The following TRMT11 variants were observed in gnomAD, a reference collection of about 807,000 sequenced individuals.
TRMT11 encodes the protein tRNA methyltransferase 11.
A neutral mutation model predicts 62.8 loss-of-function variants in TRMT11; 53 were observed. That is an observed-to-expected ratio of 0.84 (90% CI 0.68 to 1.06). The LOEUF (loss-of-function observed/expected upper bound fraction) is 1.06, where lower values mean the gene tolerates loss of function less well. TRMT11 is among the 50% of genes least tolerant of loss of function. TRMT11 has a pLI of 0.00. For synonymous variants in TRMT11, 188 were observed against 190.3 expected, an observed-to-expected ratio of 0.99 and a Z score of 0.10; for missense variants, 556 against 553.4, an observed-to-expected ratio of 1.00 and a Z score of -0.05.
chr6:126,158,548 T>A (rs1778148164), intron 21 of TRMT11, among the ~76,000 whole-genome samples: 3 of 152,190 alleles, frequency 2.0e-5, no homozygotes, highest in Admixed American at 2.0e-4. Context: ...ATAGGTTCTT[T>A]AGTGCTACTT....
chr6:126,117,064 G>A (rs1270000740), intron 21 of TRMT11, among the ~76,000 whole-genome samples: 3 of 152,190 alleles, frequency 2.0e-5, no homozygotes, highest in African/African-American at 4.8e-5. Flanking sequence ...TATGGTCCAC[G>A]ATTCAAATTG....
intron 16 of TRMT11, among the ~76,000 whole-genome samples, chr6:126,048,232 A>G (rs1355404007): frequency 2.0e-5 from 3 of 152,212 alleles, no homozygotes; most frequent in Non-Finnish European, 2.9e-5. Context: ...TGCCATTTCA[A>G]TGGACTGCAA....
intron 21 of TRMT11, among the ~76,000 whole-genome samples, chr6:126,131,671 A>AT (rs2128206759): frequency 6.6e-6 from 1 of 151,822 alleles, no homozygotes. Flanking sequence ...CAGGCTCTTG[A>AT]TTTTTTCTTC....
chr6:126,086,320 G>T (rs1290983943), intron 17 of TRMT11, among the ~76,000 whole-genome samples: 2 of 152,148 alleles, frequency 1.3e-5, no homozygotes, highest in Non-Finnish European at 2.9e-5. Context: ...ATGAGTGTAA[G>T]AGTGGATAGA....
At chr6:126,170,944 C>A (rs547455397) in intron 21 of TRMT11, among the ~76,000 whole-genome samples, 1 of 152,294 alleles carries the variant, frequency 6.6e-6, no homozygotes, top group East Asian at 1.9e-4. Context: ...CTCCTCAGGG[C>A]AGCTGATTCA....
rs1776289801 is a variant in TRMT11, at chr6:126,053,886, G to A, written c.*1437+696G>A. 5.9e-5 allele frequency among the ~76,000 whole-genome samples: 9 copies of A among 152,192 alleles called. No homozygotes were observed. In the South Asian group the frequency reaches 1.9e-3, roughly 31 times the overall value. ...GTTAACCCCTAAAGAAGTGGAAGTT[G>A]CGTGATCATGTCAGGGGGTGAGGGC... On this transcript the variant is annotated intron_variant and NMD_transcript_variant, in intron 17 of 22. Coordinates refer to the TRMT11 transcript ENST00000648977.
chr6:126,169,056 G>A (rs544213115), intron 21 of TRMT11, among the ~76,000 whole-genome samples: 7 of 152,256 alleles, frequency 4.6e-5, no homozygotes, highest in African/African-American at 1.2e-4. Flanking sequence ...TCAGGAGATC[G>A]CACCTAAGAA....
chr6:126,071,161 GTTTTCCACTCTCAGT>G (rs1776840701), intron 17 of TRMT11, among the ~76,000 whole-genome samples: 1 of 152,062 alleles, frequency 6.6e-6, no homozygotes, highest in South Asian at 2.1e-4. Context: ...GGATGCAGTA[GTTTTCCACTCTCAGT>G]GAAAACTGGT....
At chr6:126,262,223 C>T in the TRMT11 span, among the ~76,000 whole-genome samples, 1 of 152,150 alleles carries the variant, frequency 6.6e-6, no homozygotes, top group Admixed American at 6.5e-5. Flanking sequence ...GTCAGGGAAG[C>T]AGAGCCGCTG....
In TRMT11 at chr6:126,036,819, G is replaced by A. The variant is rs555865561; in HGVS notation, c.1261-1886G>A. On this transcript the variant is annotated intron_variant, in intron 12 of 12. Transcript: ENST00000334379. Reference sequence around the variant, plus strand: ...TTTGATGAAAGTTGAAGTAGTTGACGTTAAATGGTGGAACATTGTTCTGTG... The same window carrying A: ...TTTGATGAAAGTTGAAGTAGTTGACATTAAATGGTGGAACATTGTTCTGTG... 1.9e-4 allele frequency among the ~76,000 whole-genome samples: 29 copies of A among 152,156 alleles called. No homozygotes were observed. In the South Asian group the frequency reaches 5.4e-3, roughly 28 times the overall value.
chr6:126,100,181 C>T (rs925632253), intron 17 of TRMT11, among the ~76,000 whole-genome samples: 7 of 152,062 alleles, frequency 4.6e-5, no homozygotes, highest in Middle Eastern at 3.2e-3. Context: ...GAGGACCAAG[C>T]CAGTATGAGA....
chr6:126,213,222 C>A, the TRMT11 span, among the ~76,000 whole-genome samples: 1 of 151,936 alleles, frequency 6.6e-6, no homozygotes, highest in Non-Finnish European at 1.5e-5. Flanking sequence ...CAGTTTTGTT[C>A]TTTTTGCTCA....
chr6:126,007,225 T>C (rs143685948), intron 7 of TRMT11, among the ~76,000 whole-genome samples: 28 of 152,110 alleles, frequency 1.8e-4, no homozygotes, highest in African/African-American at 5.8e-4. Flanking sequence ...TAGTCAGTTA[T>C]AATATTTTCA....
At chr6:126,251,054 G>A in the TRMT11 span, among the ~76,000 whole-genome samples, 3 of 147,130 alleles carry the variant, frequency 2.0e-5, no homozygotes, top group East Asian at 2.0e-4. Flanking sequence ...TTTCCAAGAC[G>A]GAGTCTTGCT....
In TRMT11 at chr6:125,999,488, C is replaced by A; in HGVS notation, c.554C>A (p.Ser185Ter). Reference sequence around the variant, plus strand: ...GATGGACAGAGAGAGCTTATTGAGTCATACAGTGTCAAAAAGAGACACTTT... The same window carrying A: ...GATGGACAGAGAGAGCTTATTGAGTAATACAGTGTCAAAAAGAGACACTTT... ...IADGQRELIE[S>*]YSVKKRHFIG... Residue 185 changes from serine (S) to a stop codon, truncating the protein, a stop_gained, in exon 7 of 13, where the codon TCA becomes TAA. Coordinates refer to ENST00000334379, the MANE Select transcript of TRMT11 (RefSeq NM_001031712.3). LOFTEE classifies it high-confidence loss of function. 6.2e-7 allele frequency: 1 copy of A among 1,609,458 alleles called. No homozygotes were observed. Among genetic ancestry groups the A allele is most frequent in the South Asian group, 1.1e-5 (1 of 90,442 alleles).
At chr6:126,215,357 C>A in the TRMT11 span, among the ~76,000 whole-genome samples, 1 of 151,962 alleles carries the variant, frequency 6.6e-6, no homozygotes, top group Non-Finnish European at 1.5e-5. Flanking sequence ...TTTTATATAT[C>A]TAGGTGCTCC....
intron 6 of TRMT11, 27 bp from the exon 7 acceptor site, chr6:125,999,430 C>G: frequency 6.4e-7 from 1 of 1,562,234 alleles, no homozygotes; most frequent in Non-Finnish European, 8.7e-7. Flanking sequence ...TATGGCTATA[C>G]TAACATAAGA....
In TRMT11 at chr6:126,112,399, CTT is replaced by C. The variant is rs1176682185; in HGVS notation, c.*1438-464_*1438-463del. ...CTTTGGATCCATAAATTATTTCTGTCTTTTCTTTTTTGAAGGGTTTTCTATTT... is the reference window on the plus strand; with the variant it reads ...CTTTGGATCCATAAATTATTTCTGTCTTCTTTTTTGAAGGGTTTTCTATTT... On this transcript the variant is annotated intron_variant and NMD_transcript_variant, in intron 17 of 22. Coordinates refer to the TRMT11 transcript ENST00000648977. Among the ~76,000 whole-genome samples, 12 of 152,188 alleles carry C rather than the reference CTT, an allele frequency of 7.9e-5. No homozygotes were observed. The East Asian group carries it at 2.3e-3, about 29-fold the overall frequency.
chr6:126,213,714 C>T, the TRMT11 span, among the ~76,000 whole-genome samples: 5 of 151,994 alleles, frequency 3.3e-5, no homozygotes, highest in Non-Finnish European at 1.5e-5. Context: ...TTGACTTCTT[C>T]CTTTCCAATT....
Sources: allele counts gnomAD v4.1 joint callset (sites outside exome capture counted in the v4.1 genomes callset), GRCh38; gene constraint gnomAD v4.1.1; transcripts MANE v1.5; gene names NCBI Gene and HGNC (gene_info 2026-07-23, HGNC 2026-07-21).